HOXA3: variants seen among roughly 807,000 people sequenced by gnomAD.
HOXA3 encodes the protein homeobox A3, also known as homeobox protein Hox-A3.
HOXA3 carries 8 observed loss-of-function variants against 30.3 expected under a neutral mutation model. The observed-to-expected ratio is 0.26, with a 90% confidence interval of 0.15 to 0.48. HOXA3 has a LOEUF of 0.48. Ranked by LOEUF, HOXA3 falls within the 20% of genes least tolerant of loss-of-function variation. The pLI is 0.99. For missense variants in HOXA3, 653 were observed against 614.4 expected, an observed-to-expected ratio of 1.06 and a Z score of -0.66; for synonymous variants, 323 against 273.1, an observed-to-expected ratio of 1.18 and a Z score of -1.80.
intron 4 of HOXA3, chr7:27,121,873 C>T (rs961994958): frequency 2.0e-5 from 3 of 152,570 alleles, no homozygotes; most frequent in African/African-American, 7.2e-5. Context: ...CAAATTAAGT[C>T]AGAACTTGAA....
At chr7:27,148,126 C>T (rs1045414321) in intron 1 of HOXA3, among the ~76,000 whole-genome samples, 1 of 152,256 alleles carries the variant, frequency 6.6e-6, no homozygotes, top group African/African-American at 2.4e-5. Flanking sequence ...TCAAAGGCCC[C>T]GCCAGGTCCC....
At chr7:27,110,873 G>A (rs1784334125) in intron 4 of HOXA3, 113 bp from the exon 5 acceptor site, 2 of 547,560 alleles carry the variant, frequency 3.7e-6, no homozygotes, top group Non-Finnish European at 6.2e-6. Context: ...ATATTTAGCA[G>A]CACGACTTGG....
intron 3 of HOXA3, among the ~76,000 whole-genome samples, chr7:27,126,378 T>C (rs1785284140): frequency 6.6e-6 from 1 of 151,754 alleles, no homozygotes; most frequent in Non-Finnish European, 1.5e-5. Flanking sequence ...TTGGTAAAAT[T>C]ATAGAGCTTA....
intron 1 of HOXA3, among the ~76,000 whole-genome samples, chr7:27,149,370 G>A (rs1172608050): frequency 6.6e-6 from 1 of 152,248 alleles, no homozygotes; most frequent in Non-Finnish European, 1.5e-5. Context: ...GCCAATGCAG[G>A]CTCACCCGGT....
At position 27,108,243 on chromosome 7, in the gene HOXA3, C is replaced by A; in HGVS notation, c.1004G>T (p.Gly335Val). Residue 335 changes from glycine to valine, a missense_variant, in exon 6 of 6, where the codon GGC becomes GTC. Coordinates refer to ENST00000612286, the MANE Select transcript of HOXA3 (RefSeq NM_153631.3). This position sits in a 1 kb window ranked among gnomAD's most constrained non-coding sequence, Gnocchi z 5.0. ...PQKRYTAAGA[G>V]AGGTPDYDPH... ...GTCATAGTCGGGGGTGCCCCCTGCGCCCGCCCCTGCCGCCGTGTAGCGCTT... is the reference window on the plus strand; with the variant it reads ...GTCATAGTCGGGGGTGCCCCCTGCGACCGCCCCTGCCGCCGTGTAGCGCTT... The A allele has an allele frequency of 6.6e-7, 1 of 1,518,322 alleles. No individual in the cohort carries two copies. The highest frequency in any genetic ancestry group is 8.8e-7 in the Non-Finnish European group (1 of 1,133,550). The allele number at this position is 1,518,322 out of a possible 1,614,324, so 94.1% of individuals were successfully genotyped here.
intron 1 of HOXA3, among the ~76,000 whole-genome samples, chr7:27,146,366 G>A (rs987772356): frequency 2.6e-5 from 4 of 151,960 alleles, no homozygotes; most frequent in African/African-American, 7.3e-5. Context: ...CAGCCATGTC[G>A]GAACTCAACA....
intron 4 of HOXA3, among the ~76,000 whole-genome samples, chr7:27,114,771 A>ACACACACACACACACAC (rs1554336653): frequency 2.3e-5 from 3 of 133,146 alleles, no homozygotes; most frequent in Non-Finnish European, 3.2e-5. Context: ...ACACACACGC[A>ACACACACACACACACAC]GGGCAGAGGA....
Position 27,108,402 on chromosome 7 carries a change from G to T in HOXA3, c.845C>A (p.Ser282Ter). 6.2e-7 allele frequency: 1 copy of T among 1,608,508 alleles called. No individual in the cohort carries two copies. Among genetic ancestry groups the T allele is most frequent in the Non-Finnish European group, 8.5e-7 (1 of 1,176,634 alleles). The change falls in exon 6 of 6, where the codon TCG (serine) becomes TAG (stop). Residue 282 changes from serine (S) to a stop codon, truncating the protein, a stop_gained. Coordinates refer to ENST00000612286, the MANE Select transcript of HOXA3 (RefSeq NM_153631.3). LOFTEE classifies it high-confidence loss of function. This position sits in a 1 kb window ranked among gnomAD's most constrained non-coding sequence, Gnocchi z 5.0. ...CTCATACGGGACGCTGTTGACCAGCGAATGCATAGAGTTCAGATAGCCACC... is the reference window on the plus strand; with the variant it reads ...CTCATACGGGACGCTGTTGACCAGCTAATGCATAGAGTTCAGATAGCCACC... Reference protein sequence around the residue: ...GAGGYLNSMHSLVNSVPYEPQ... With the variant: ...GAGGYLNSMH
At chr7:27,121,971 G>A (rs1293922197) in intron 4 of HOXA3, 1 of 153,046 alleles carries the variant, frequency 6.5e-6, no homozygotes, top group Admixed American at 6.5e-5. Context: ...AGGAAGAACC[G>A]ATGATGAGCC....
At chr7:27,145,393 G>A in intron 1 of HOXA3, 1 of 534,348 alleles carries the variant, frequency 1.9e-6, no homozygotes, top group South Asian at 2.4e-5. Flanking sequence ...TGTGGAGCGG[G>A]ACTGGGTGTG....
intron 2 of HOXA3, among the ~76,000 whole-genome samples, chr7:27,132,591 G>A (rs1384757948): frequency 6.6e-6 from 1 of 152,146 alleles, no homozygotes; most frequent in East Asian, 1.9e-4. Flanking sequence ...ATTCACATGA[G>A]GCACCCTGAA....
At chr7:27,117,629 C>G (rs1027897033) in intron 4 of HOXA3, among the ~76,000 whole-genome samples, 10 of 152,286 alleles carry the variant, frequency 6.6e-5, no homozygotes, top group Admixed American at 3.3e-4. Context: ...AAAATGGCAG[C>G]GCATCTGCAC....
rs757360010 is a variant in HOXA3, at chr7:27,143,518, C to G, written c.-493-3332G>C. 2.5e-6 allele frequency: 4 copies of G among 1,613,840 alleles called. No individual in the cohort carries two copies. The Admixed American group carries it at 6.7e-5, about 27-fold the overall frequency. ...TCGCCGAGTCCCTGAATTGCTCGCT[C>G]ACGGAACTATGATCTCCATAATTAT... On this transcript the variant is annotated intron_variant, in intron 1 of 5. Coordinates refer to ENST00000612286, the MANE Select transcript of HOXA3 (RefSeq NM_153631.3).
At chr7:27,138,821 CAAAA>C (rs1785795816) in intron 2 of HOXA3, among the ~76,000 whole-genome samples, 2 of 152,194 alleles carry the variant, frequency 1.3e-5, no homozygotes, top group African/African-American at 4.8e-5. Context: ...GAGCAACTAA[CAAAA>C]GAAAGGCGGA....
At chr7:27,140,785 C>CT (rs1782539943) in intron 1 of HOXA3, among the ~76,000 whole-genome samples, 8 of 152,168 alleles carry the variant, frequency 5.3e-5, no homozygotes, top group Non-Finnish European at 8.8e-5. Flanking sequence ...CTCTTTCTCT[C>CT]TTTTTTGTAC....
intron 1 of HOXA3, chr7:27,142,149 A>G: frequency 1.3e-6 from 2 of 1,561,064 alleles, no homozygotes; most frequent in Middle Eastern, 1.7e-4. Flanking sequence ...CCAGGGGGAC[A>G]AGCTTGGGTC....
At chr7:27,116,740 G>C (rs1016370405) in intron 4 of HOXA3, 3 of 152,176 alleles carry the variant, frequency 2.0e-5, no homozygotes, top group Non-Finnish European at 4.4e-5. Context: ...AAATGCGCCA[G>C]AACTAGGTCA....
chr7:27,119,139 T>G (rs1784884093), intron 4 of HOXA3, among the ~76,000 whole-genome samples: 1 of 145,982 alleles, frequency 6.9e-6, no homozygotes, highest in Non-Finnish European at 1.5e-5. Context: ...CTAATTGCTC[T>G]GCAAGAGACC....
At chr7:27,128,261 A>G (rs1785367548) in intron 2 of HOXA3, 1 of 152,232 alleles carries the variant, frequency 6.6e-6, no homozygotes, top group African/African-American at 2.4e-5. Context: ...CAAGTTTGGG[A>G]AGAAGAGGAG....
Sources: allele counts gnomAD v4.1 joint callset (sites outside exome capture counted in the v4.1 genomes callset), GRCh38; gene constraint gnomAD v4.1.1; non-coding constraint Gnocchi (gnomAD v3.1); transcripts MANE v1.5; gene names NCBI Gene and HGNC (gene_info 2026-07-23, HGNC 2026-07-21).